Variants in FAM20B observed in about 807,000 individuals in gnomAD.
FAM20B encodes glycosaminoglycan xylosylkinase.
FAM20B carries 23 observed loss-of-function variants against 43.8 expected under a neutral mutation model. That is an observed-to-expected ratio of 0.53 (90% confidence interval 0.38 to 0.74). FAM20B has a LOEUF of 0.74. Ranked by LOEUF, FAM20B falls within the 30% of genes least tolerant of loss-of-function variation. FAM20B has a pLI of 0.00. For missense variants in FAM20B, 440 were observed against 510.5 expected (o/e 0.86, Z 1.33); for synonymous variants, 178 against 192.4 (o/e 0.93, Z 0.62).
At chr1:179,025,070 G>A (rs187631661), upstream of FAM20B, among the ~76,000 whole-genome samples, 1 of 152,256 alleles carries the variant, frequency 6.6e-6, no homozygotes, top group Non-Finnish European at 1.5e-5. Context: ...CTAAGTTTGC[G>A]CTTTAGTATA....
chr1:179,051,616 G>A (rs910717912), intron 3 of FAM20B, among the ~76,000 whole-genome samples: 1 of 152,054 alleles, frequency 6.6e-6, no homozygotes, highest in Non-Finnish European at 1.5e-5. Flanking sequence ...AACAGAGTGG[G>A]ACCCTGTCTC....
In FAM20B at chr1:179,044,070, G is replaced by T. The variant is rs781681473; in HGVS notation, c.223G>T (p.Glu75Ter). The T allele has an allele frequency of 3.1e-6, 5 of 1,613,996 alleles. No homozygotes were observed. In the African/African-American group the frequency reaches 6.7e-5, roughly 22 times the overall value. The change falls in exon 2 of 8, where the codon GAA (glutamate) becomes TAA (stop). Residue 75 changes from glutamate (E) to a stop codon, truncating the protein, a stop_gained. Coordinates refer to ENST00000263733, the MANE Select transcript of FAM20B (RefSeq NM_014864.4). LOFTEE classifies it high-confidence loss of function. Reference protein sequence around the residue: ...EIAAQWVVPREVYPEETPELG... With the variant: ...EIAAQWVVPR ...TGCAGCCCAGTGGGTGGTTCCCCGG[G>T]AAGTGTACCCTGAAGAGACACCAGA...
At chr1:179,050,500 T>C in intron 3 of FAM20B, 135 bp downstream of exon 3, 1 of 616,060 alleles carries the variant, frequency 1.6e-6, no homozygotes, top group Admixed American at 2.8e-5. Flanking sequence ...GCTAATTGAC[T>C]AGTTCCATTA....
intron 4 of FAM20B, among the ~76,000 whole-genome samples, chr1:179,056,212 A>G (rs1651212682): frequency 1.3e-5 from 2 of 152,230 alleles, no homozygotes; most frequent in Non-Finnish European, 2.9e-5. Flanking sequence ...GGACAAATAT[A>G]TAATGACATG....
chr1:179,066,951 C>T, intron 7 of FAM20B, 92 bp downstream of exon 7: 1 of 876,912 alleles, frequency 1.1e-6, no homozygotes, highest in Non-Finnish European at 1.9e-6. Flanking sequence ...CTCAAACTTT[C>T]TGATACCTGA....
intron 1 of FAM20B, among the ~76,000 whole-genome samples, chr1:179,038,526 A>G (rs1055277873): frequency 3.3e-5 from 5 of 152,302 alleles, no homozygotes; most frequent in Middle Eastern, 3.4e-3. Context: ...ATTGTATTGC[A>G]TTTGTAGCTA....
chr1:179,062,414 G>A (rs748509859), intron 4 of FAM20B, among the ~76,000 whole-genome samples: 25 of 152,150 alleles, frequency 1.6e-4, no homozygotes, highest in Non-Finnish European at 4.4e-5. Context: ...CACTCTGGGA[G>A]GCTGAGGTGG....
At chr1:179,039,242 T>C (rs1020706721) in intron 1 of FAM20B, among the ~76,000 whole-genome samples, 1 of 152,230 alleles carries the variant, frequency 6.6e-6, no homozygotes, top group African/African-American at 2.4e-5. Context: ...TGTTTTTAAA[T>C]GGCCTTATGG....
At chr1:179,032,313 CTTT>C (rs547439601) in intron 1 of FAM20B, among the ~76,000 whole-genome samples, 22 of 111,944 alleles carry the variant, frequency 2.0e-4, no homozygotes, top group African/African-American at 6.5e-4. Context: ...AGGTCTCATT[CTTT>C]TTTTTTTTTT....
chr1:179,022,527 C>T (rs1479806164), upstream of FAM20B, among the ~76,000 whole-genome samples: 2 of 152,182 alleles, frequency 1.3e-5, no homozygotes, highest in African/African-American at 2.4e-5. Context: ...AGACAATATC[C>T]TCCTTCTAAC....
At chr1:179,024,912 C>T (rs1395537013), upstream of FAM20B, among the ~76,000 whole-genome samples, 1 of 152,224 alleles carries the variant, frequency 6.6e-6, no homozygotes, top group Non-Finnish European at 1.5e-5. Flanking sequence ...CATCCAGTAT[C>T]ATACAGCCAG....
chr1:179,038,271 CG>C (rs1650334442), intron 1 of FAM20B, among the ~76,000 whole-genome samples: 1 of 151,914 alleles, frequency 6.6e-6, no homozygotes, highest in African/African-American at 2.4e-5. Context: ...CTTAGCTGGG[CG>C]TGGTGGCGCA....
At chr1:179,059,924 A>G (rs1651387976) in intron 4 of FAM20B, among the ~76,000 whole-genome samples, 1 of 151,776 alleles carries the variant, frequency 6.6e-6, no homozygotes, top group South Asian at 2.1e-4. Flanking sequence ...GTGAGCCGAG[A>G]TCATGCCACT....
chr1:179,064,941 A>G (rs1009590947), intron 6 of FAM20B, among the ~76,000 whole-genome samples: 21 of 152,228 alleles, frequency 1.4e-4, no homozygotes, highest in Admixed American at 1.2e-3. Context: ...GTCTAGGTCC[A>G]TACTTTTGCT....
At chr1:179,045,485 T>G (rs1010536553) in intron 2 of FAM20B, among the ~76,000 whole-genome samples, 22 of 152,208 alleles carry the variant, frequency 1.4e-4, no homozygotes, top group African/African-American at 5.1e-4. Context: ...TGAAAGGCAG[T>G]CAGAGCATGA....
chr1:179,044,893 GC>G (rs1177653446), intron 2 of FAM20B, among the ~76,000 whole-genome samples: 4 of 152,196 alleles, frequency 2.6e-5, no homozygotes, highest in Non-Finnish European at 5.9e-5. Flanking sequence ...TTCCAAAGTA[GC>G]TGTACCATTT....
chr1:179,060,128 T>A (rs1202176553), intron 4 of FAM20B, among the ~76,000 whole-genome samples: 1 of 152,118 alleles, frequency 6.6e-6, no homozygotes. Flanking sequence ...TACCATTTTA[T>A]ACAACATATG....
intron 4 of FAM20B, among the ~76,000 whole-genome samples, chr1:179,062,658 A>G (rs938638937): frequency 4.6e-5 from 7 of 152,064 alleles, no homozygotes; most frequent in Non-Finnish European, 8.8e-5. Flanking sequence ...TCAAAAAAAG[A>G]AAAACAAAAA....
intron 4 of FAM20B, among the ~76,000 whole-genome samples, chr1:179,059,709 C>T (rs964387674): frequency 1.6e-4 from 24 of 152,098 alleles, no homozygotes; most frequent in African/African-American, 5.6e-4. Flanking sequence ...CGGTGGCTGA[C>T]GCCTGTAACC....
Sources: allele counts gnomAD v4.1 joint callset (sites outside exome capture counted in the v4.1 genomes callset), GRCh38; gene constraint gnomAD v4.1.1; transcripts MANE v1.5; gene names NCBI Gene and HGNC (gene_info 2026-07-23, HGNC 2026-07-21).